Variants in SOX5 observed in about 807,000 individuals in gnomAD.
SOX5 encodes the protein SRY-box transcription factor 5.
SOX5 carries 9 observed loss-of-function variants against 92.0 expected under a neutral mutation model. The ratio of observed to expected loss-of-function variants is 0.10; its 90% CI spans 0.06 to 0.17. The LOEUF is 0.17. Ranked by LOEUF, SOX5 falls within the 10% of genes least tolerant of loss-of-function variation. SOX5 has a pLI of 1.00. For missense variants in SOX5, 642 were observed against 944.5 expected, an observed-to-expected ratio of 0.68 and a Z score of 4.20; for synonymous variants, 344 against 336.3, an observed-to-expected ratio of 1.02 and a Z score of -0.25.
intron 4 of SOX5, among the ~76,000 whole-genome samples, chr12:24,028,962 G>T (rs16927001): frequency 3.3e-5 from 5 of 152,066 alleles, no homozygotes; most frequent in African/African-American, 9.6e-5. Context: ...ATAAGTTGGC[G>T]CTGCTTAGAA....
intron 2 of SOX5, among the ~76,000 whole-genome samples, chr12:24,287,170 TA>T (rs1454428855): frequency 2.0e-5 from 3 of 152,170 alleles, no homozygotes; most frequent in Non-Finnish European, 4.4e-5. Context: ...TCTGCAGTTT[TA>T]AAAAAGTCAT....
intron 4 of SOX5, among the ~76,000 whole-genome samples, chr12:23,986,087 T>C (rs1164583651): frequency 2.0e-5 from 3 of 152,188 alleles, no homozygotes; most frequent in Non-Finnish European, 2.9e-5. Flanking sequence ...CTTAATTTCA[T>C]CTACAACTTT....
chr12:23,841,129 C>T (rs1474831103), intron 3 of SOX5, among the ~76,000 whole-genome samples: 1 of 152,030 alleles, frequency 6.6e-6, no homozygotes. Flanking sequence ...ACTCTAAAAA[C>T]TCATTCACAA....
intron 4 of SOX5, among the ~76,000 whole-genome samples, chr12:24,095,126 C>CAGAG (rs1469520600): frequency 4.4e-5 from 4 of 90,192 alleles, no homozygotes; most frequent in South Asian, 4.3e-4. Flanking sequence ...CACACACACA[C>CAGAG]ACAGAGAGAG....
chr12:23,767,142 G>A (rs1051979789), intron 3 of SOX5, among the ~76,000 whole-genome samples: 15 of 151,876 alleles, frequency 9.9e-5, no homozygotes, highest in Admixed American at 3.9e-4. Context: ...GGGAGGTAGA[G>A]GCTGCAGTGA....
intron 3 of SOX5, among the ~76,000 whole-genome samples, chr12:24,217,791 C>A (rs1441214591): frequency 6.6e-6 from 1 of 152,102 alleles, no homozygotes; most frequent in African/African-American, 2.4e-5. Flanking sequence ...ACTCTTAGAA[C>A]TCTATAATGA....
chr12:24,191,091 CA>C, intron 4 of SOX5, among the ~76,000 whole-genome samples: 1 of 152,102 alleles, frequency 6.6e-6, no homozygotes, highest in Non-Finnish European at 1.5e-5. Context: ...AGGCGTGCAC[CA>C]CCGCACCTGG....
chr12:24,208,617 C>T (rs1329331973), intron 4 of SOX5, among the ~76,000 whole-genome samples: 1 of 152,240 alleles, frequency 6.6e-6, no homozygotes, highest in African/African-American at 2.4e-5. Context: ...GCCTTATACA[C>T]TGTCACCTTG....
chr12:23,570,910 CAAAAAA>C (rs148593886), intron 10 of SOX5, among the ~76,000 whole-genome samples: 144 of 8,096 alleles, frequency 0.018, 2 homozygotes, highest in Non-Finnish European at 0.022. Flanking sequence ...GACTCCAACT[CAAAAAA>C]AAAAAAAAAA....
At chr12:23,668,105 G>A (rs2084131667) in intron 6 of SOX5, among the ~76,000 whole-genome samples, 2 of 152,218 alleles carry the variant, frequency 1.3e-5, no homozygotes, top group Admixed American at 1.3e-4. Flanking sequence ...TATGAGGCAA[G>A]AGGGCTGTGG....
intron 4 of SOX5, among the ~76,000 whole-genome samples, chr12:24,108,723 T>C (rs537132148): frequency 2.0e-5 from 3 of 152,314 alleles, no homozygotes; most frequent in Admixed American, 6.5e-5. Flanking sequence ...AAATGCATTT[T>C]ATTAACAGAG....
chr12:23,802,783 A>G (rs1021569673), intron 3 of SOX5, among the ~76,000 whole-genome samples: 5 of 152,178 alleles, frequency 3.3e-5, no homozygotes, highest in African/African-American at 1.2e-4. Context: ...GAAATACCCC[A>G]TACGTAATTA....
rs202219036 is a variant in SOX5 at position 24,516,058 on chromosome 12, T to TA, written c.-251+46270dup. Among the ~76,000 whole-genome samples the TA allele has an allele frequency of 5.3e-3, 804 of 150,404 alleles. 13 individuals carry two copies. The highest frequency in any genetic ancestry group is 0.017 in the African/African-American group (711 of 40,936). ...TTTTCTTTTCCTTTTTTTTTTTTTT[T>TA]AAGCGACAGAGTCTCACTCTGTCAG... On this transcript the variant is annotated intron_variant, in intron 1 of 4. Coordinates refer to the SOX5 transcript ENST00000446891.
chr12:24,114,018 C>T (rs1290858553), intron 4 of SOX5, among the ~76,000 whole-genome samples: 1 of 152,104 alleles, frequency 6.6e-6, no homozygotes, highest in Non-Finnish European at 1.5e-5. Context: ...AATAAAAGAC[C>T]TCTCTATTTT....
chr12:24,094,979 A>G (rs1945143323), intron 4 of SOX5, among the ~76,000 whole-genome samples: 1 of 152,168 alleles, frequency 6.6e-6, no homozygotes, highest in African/African-American at 2.4e-5. Context: ...TTATCCAAGG[A>G]AATCATGTAC....
At chr12:23,901,912 A>C (rs527645040) in intron 1 of SOX5, among the ~76,000 whole-genome samples, 1 of 152,346 alleles carries the variant, frequency 6.6e-6, no homozygotes, top group East Asian at 1.9e-4. Context: ...GTCAGAAATA[A>C]GAAAATAGAG....
intron 4 of SOX5, among the ~76,000 whole-genome samples, chr12:23,744,348 G>C (rs1229511298): frequency 6.6e-6 from 1 of 152,034 alleles, no homozygotes; most frequent in Non-Finnish European, 1.5e-5. Context: ...CCCTAAGATT[G>C]TCCCCCAGCC....
intron 4 of SOX5, among the ~76,000 whole-genome samples, chr12:23,966,894 C>A (rs1463431462): frequency 6.6e-6 from 1 of 152,104 alleles, no homozygotes; most frequent in African/African-American, 2.4e-5. Context: ...ACAAATCACA[C>A]AAATTCCTAC....
chr12:24,308,831 T>C (rs1948879872), intron 2 of SOX5, among the ~76,000 whole-genome samples: 2 of 152,192 alleles, frequency 1.3e-5, no homozygotes, highest in Admixed American at 6.5e-5. Context: ...AAATTGAGCA[T>C]TGAGTGTATA....
Sources: allele counts gnomAD v4.1 joint callset (sites outside exome capture counted in the v4.1 genomes callset), GRCh38; gene constraint gnomAD v4.1.1; transcripts MANE v1.5; gene names NCBI Gene and HGNC (gene_info 2026-07-23, HGNC 2026-07-21).